The following SHANK2 variants were observed in gnomAD, a reference collection of about 807,000 sequenced individuals.
The protein encoded by SHANK2 is SH3 and multiple ankyrin repeat domains 2, also known as SH3 and multiple ankyrin repeat domains protein 2.
A neutral mutation model predicts 133.7 loss-of-function variants in SHANK2; 43 were observed. The observed-to-expected ratio is 0.32, with a 90% CI of 0.25 to 0.41. The LOEUF (loss-of-function observed/expected upper bound fraction) is 0.41, where lower values mean the gene tolerates loss of function less well. SHANK2 is among the 10% of genes least tolerant of loss of function. SHANK2 has a pLI of 1.00. For missense variants in SHANK2, 1,994 were observed against 2,235.8 expected, an observed-to-expected ratio of 0.89 and a Z score of 2.18; for synonymous variants, 1,017 against 952.8, an observed-to-expected ratio of 1.07 and a Z score of -1.24.
chr11:70,487,095 C>T lies in SHANK2; in HGVS notation c.3198G>A (p.Leu1066=), dbSNP rs2058820662. 6.2e-7 allele frequency: 1 copy of T among 1,610,842 alleles called. No homozygotes were observed. Among genetic ancestry groups the T allele is most frequent in the South Asian group, 1.1e-5 (1 of 91,070 alleles). ...TGACGGTCAGGCTTTCGTCAGGCCG[C>T]AGCTGGCTCGGTGGCTCCGGGGCCT... ...DPQAPEPPSQ[L]RPDESLTVSS... is the part of the protein sequence containing the mutation. Residue 1066 remains leucine (L), a synonymous_variant, in exon 25 of 26, where the codon CTG becomes CTA. Coordinates refer to ENST00000601538, the MANE Select transcript of SHANK2 (RefSeq NM_012309.5). This position sits in a 1 kb window ranked among gnomAD's most constrained non-coding sequence, Gnocchi z 5.8.
At chr11:70,666,690 G>A (rs1261250311) in intron 15 of SHANK2, among the ~76,000 whole-genome samples, 5 of 152,094 alleles carry the variant, frequency 3.3e-5, no homozygotes, top group African/African-American at 9.7e-5. Context: ...TGACCGAGGC[G>A]CCTACACGTT....
At chr11:70,691,690 G>A (rs1945292456) in intron 15 of SHANK2, among the ~76,000 whole-genome samples, 4 of 152,134 alleles carry the variant, frequency 2.6e-5, no homozygotes, top group Admixed American at 2.6e-4. Context: ...TCAGGAGTTC[G>A]AGACCAGCCA....
At chr11:71,122,596 T>C (rs1276584502) in intron 3 of SHANK2, among the ~76,000 whole-genome samples, 5 of 152,108 alleles carry the variant, frequency 3.3e-5, no homozygotes, top group Non-Finnish European at 7.3e-5. Flanking sequence ...TGTATACATA[T>C]GTAACAAACC....
chr11:70,566,327 T>C (rs935612263), intron 17 of SHANK2: 53 of 152,296 alleles, frequency 3.5e-4, no homozygotes, highest in African/African-American at 1.3e-3. Flanking sequence ...GTCCATCTCA[T>C]CGCATTATTT....
chr11:70,711,893 C>T lies in SHANK2; in HGVS notation c.1778-13130G>A, dbSNP rs146903194. ...AAAATAAGGACCCTGTGCAGAATGC[C>T]CAGGCACACGTCACAGCACACGGAC... On this transcript the variant is annotated intron_variant, in intron 14 of 25. Transcript: ENST00000601538. Among the ~76,000 whole-genome samples, 224 of 152,298 alleles carry T rather than the reference C, an allele frequency of 1.5e-3. 1 individual carries two copies. Among genetic ancestry groups the T allele is most frequent in the African/African-American group, 5.2e-3 (218 of 41,560 alleles).
intron 25 of SHANK2, among the ~76,000 whole-genome samples, chr11:70,475,721 C>T (rs2058654356): frequency 6.6e-6 from 1 of 152,186 alleles, no homozygotes; most frequent in African/African-American, 2.4e-5. Context: ...GGACCCCATC[C>T]ACCCATAGGG....
intron 14 of SHANK2, among the ~76,000 whole-genome samples, chr11:70,769,710 CAT>C (rs1366600549): frequency 2.6e-5 from 4 of 151,582 alleles, no homozygotes; most frequent in African/African-American, 7.3e-5. Flanking sequence ...CATAAGCACA[CAT>C]GTGCGTGTGT....
intron 11 of SHANK2, among the ~76,000 whole-genome samples, chr11:70,824,990 A>G (rs1948616510): frequency 6.6e-6 from 1 of 152,130 alleles, no homozygotes; most frequent in Non-Finnish European, 1.5e-5. Context: ...GGGGCACCCC[A>G]GGAGAGGCCA....
At chr11:70,642,516 G>A (rs1472757142) in intron 17 of SHANK2, among the ~76,000 whole-genome samples, 3 of 152,206 alleles carry the variant, frequency 2.0e-5, no homozygotes, top group Admixed American at 6.5e-5. Context: ...TTATGGGGAC[G>A]GCGGCTCAGC....
intron 14 of SHANK2, among the ~76,000 whole-genome samples, chr11:70,760,989 C>T (rs1263706545): frequency 6.6e-6 from 1 of 152,116 alleles, no homozygotes; most frequent in Non-Finnish European, 1.5e-5. Context: ...TGCCCAGGGG[C>T]AGTGGTGGAG....
In SHANK2 at chr11:71,092,442, C is replaced by T. The variant is rs558179859; in HGVS notation, c.892G>A (p.Gly298Ser). 13 of 1,551,252 alleles carry T rather than the reference C, an allele frequency of 8.4e-6. No individual in the cohort carries two copies. The highest frequency in any genetic ancestry group is 1.4e-5 in the African/African-American group (1 of 72,932). ...HATVCCKDEN[G>S]WHEIHQACRY... ...CGTACCTGGTGGATCTCGTGCCAGC[C>T]GTTCTCATCTTTGCAGCACACAGTG... The change falls in exon 8 of 26, where the codon GGC (glycine) becomes AGC (serine). Residue 298 changes from glycine to serine, a missense_variant. Gly to Ser is a moderately conservative substitution (Grantham distance 56). Around this residue, in one of 5 missense-constraint regions of SHANK2, gnomAD observed 653 missense variants for 563.4 expected, o/e 1.16. Transcript: ENST00000601538.
chr11:70,587,698 G>GTTTTT (rs34539549), intron 17 of SHANK2, among the ~76,000 whole-genome samples: 7 of 119,732 alleles, frequency 5.8e-5, no homozygotes, highest in Admixed American at 1.8e-4. Flanking sequence ...AGCACGTCCA[G>GTTTTT]TTTTTTTTTT....
chr11:70,761,402 G>A lies in SHANK2; in HGVS notation c.1777+37041C>T, dbSNP rs370051418. ...CACTGTGAGAAAATCGATTTCTGGT[G>A]TGTGAGCCCCAGTCTCGATTGTGTT... On this transcript the variant is annotated intron_variant, in intron 14 of 25. Transcript: ENST00000601538. Among the ~76,000 whole-genome samples, 147 of 152,276 alleles carry A rather than the reference G, an allele frequency of 9.7e-4. 4 individuals are homozygous for A. The South Asian group carries it at 0.029, about 30-fold the overall frequency.
intron 2 of SHANK2, among the ~76,000 whole-genome samples, chr11:71,197,101 A>G (rs1953921022): frequency 6.6e-6 from 1 of 152,024 alleles, no homozygotes; most frequent in Admixed American, 6.5e-5. Flanking sequence ...CCTCACATGG[A>G]ACAAAATCAA....
intron 14 of SHANK2, among the ~76,000 whole-genome samples, chr11:70,736,147 G>T (rs1160838890): frequency 6.6e-6 from 1 of 151,840 alleles, no homozygotes; most frequent in Non-Finnish European, 1.5e-5. Flanking sequence ...AAGGCCCCTG[G>T]CTGGGTTCTG....
chr11:71,150,516 C>G (rs1304015462), intron 2 of SHANK2, among the ~76,000 whole-genome samples: 1 of 151,946 alleles, frequency 6.6e-6, no homozygotes, highest in Non-Finnish European at 1.5e-5. Context: ...AGTGGAATGT[C>G]AGGGTAACAA....
intron 2 of SHANK2, among the ~76,000 whole-genome samples, chr11:71,147,930 A>C (rs554046770): frequency 6.6e-6 from 1 of 152,210 alleles, no homozygotes; most frequent in African/African-American, 2.4e-5. Flanking sequence ...GAGTGGAACC[A>C]AGAGTCATGA....
chr11:70,751,709 C>T lies in SHANK2; in HGVS notation c.1777+46734G>A, dbSNP rs534407177. Among the ~76,000 whole-genome samples, 14 of 152,138 alleles carry T rather than the reference C, an allele frequency of 9.2e-5. No homozygotes were observed. In the South Asian group the frequency reaches 1.9e-3, roughly 20 times the overall value. ...TTTCAATATATGTGGGTTTAATACA[C>T]GTGATAGCTACACCAAAAAAGGGAG... On this transcript the variant is annotated intron_variant, in intron 14 of 25. Coordinates refer to ENST00000601538, the MANE Select transcript of SHANK2 (RefSeq NM_012309.5).
At chr11:70,801,607 C>T (rs1565325934) in intron 13 of SHANK2, among the ~76,000 whole-genome samples, 1 of 152,184 alleles carries the variant, frequency 6.6e-6, no homozygotes, top group Non-Finnish European at 1.5e-5. Flanking sequence ...AAAGACTCCA[C>T]ACCCTGGGTA....
Sources: gnomAD v4.1 joint callset for allele counts (sites outside exome capture counted in the v4.1 genomes callset) on GRCh38, gnomAD v4.1.1 for gene constraint, gnomAD v4.1.1 regional missense constraint, Gnocchi (gnomAD v3.1) non-coding constraint, MANE v1.5 for transcripts, NCBI Gene and HGNC (gene_info 2026-07-23, HGNC 2026-07-21) for gene names.